NCKAP5: variants seen among roughly 807,000 people sequenced by gnomAD.
NCKAP5 encodes nck-associated protein 5.
A neutral mutation model predicts 167.0 loss-of-function variants in NCKAP5; 92 were observed. The ratio of observed to expected loss-of-function variants is 0.55; its 90% CI spans 0.47 to 0.66. The LOEUF (loss-of-function observed/expected upper bound fraction) is 0.66, where lower values mean the gene tolerates loss of function less well. NCKAP5 is among the 30% of genes least tolerant of loss of function. NCKAP5 has a pLI of 0.00. For missense variants in NCKAP5, 2,378 were observed against 2,315.0 expected (o/e 1.03, Z -0.56); for synonymous variants, 891 against 877.4 (o/e 1.02, Z -0.27).
chr2:133,414,276 A>G (rs541871928), intron 3 of NCKAP5, among the ~76,000 whole-genome samples: 1 of 152,324 alleles, frequency 6.6e-6, no homozygotes, highest in South Asian at 2.1e-4. Context: ...AACTCTCCAT[A>G]TATGTGTGCT....
chr2:132,789,515 A>T (rs1683874793), intron 13 of NCKAP5, among the ~76,000 whole-genome samples: 1 of 152,186 alleles, frequency 6.6e-6, no homozygotes, highest in Admixed American at 6.5e-5. Context: ...CCATGAACTA[A>T]ATTTATACAA....
intron 3 of NCKAP5, among the ~76,000 whole-genome samples, chr2:133,445,205 GCTT>G (rs900336168): frequency 2.0e-5 from 3 of 151,774 alleles, no homozygotes; most frequent in Non-Finnish European, 4.4e-5. Context: ...CAAGAAATGA[GCTT>G]TTTTTTTTGT....
chr2:133,403,887 ATGTGTGTGTG>A (rs138024785), intron 3 of NCKAP5, among the ~76,000 whole-genome samples: 9 of 148,218 alleles, frequency 6.1e-5, no homozygotes, highest in South Asian at 2.2e-4. Flanking sequence ...AGTCAGGTGG[ATGTGTGTGTG>A]TGTGTGTGTG....
At chr2:133,290,957 G>A (rs2150514598) in intron 4 of NCKAP5, among the ~76,000 whole-genome samples, 1 of 152,066 alleles carries the variant, frequency 6.6e-6, no homozygotes, top group African/African-American at 2.4e-5. Flanking sequence ...CTGGGTTCAA[G>A]CAGACTGCCC....
At chr2:133,674,344 A>G in the NCKAP5 span, among the ~76,000 whole-genome samples, 1 of 152,220 alleles carries the variant, frequency 6.6e-6, no homozygotes, top group Non-Finnish European at 1.5e-5. Flanking sequence ...CATGTACATC[A>G]TAACTGTTGG....
rs112858264 is a variant in NCKAP5, at chr2:133,161,506, A to G, written c.208-31395T>C. 1.1e-3 allele frequency among the ~76,000 whole-genome samples: 162 copies of G among 152,284 alleles called. 1 individual carries two copies. Among genetic ancestry groups the G allele is most frequent in the African/African-American group, 3.5e-3 (146 of 41,556 alleles). ...TTAATTTAAGCACTTCAGTGTGTCA[A>G]TCACTTTGGCAAATACAGCCGGGTA... On this transcript the variant is annotated intron_variant, in intron 5 of 19. Transcript: ENST00000409261.
intron 9 of NCKAP5, 24 bp downstream of exon 9, chr2:132,878,824 C>G: frequency 6.3e-7 from 1 of 1,586,686 alleles, no homozygotes; most frequent in African/African-American, 1.3e-5. Flanking sequence ...AGCCTTGGAT[C>G]AGGAGCCTCT....
At chr2:133,297,478 C>T (rs942689542) in intron 4 of NCKAP5, among the ~76,000 whole-genome samples, 3 of 152,102 alleles carry the variant, frequency 2.0e-5, no homozygotes, top group African/African-American at 7.2e-5. Flanking sequence ...GAATATTAGA[C>T]AGGACCCCAA....
chr2:133,178,913 C>T (rs13429878), intron 5 of NCKAP5, among the ~76,000 whole-genome samples: 50,327 of 150,926 alleles, frequency 0.33, 9,195 homozygotes, highest in East Asian at 0.66. Flanking sequence ...TTCCTTTAAT[C>T]CCAACACTTT....
At chr2:133,271,579 A>T (rs1378258418) in intron 4 of NCKAP5, among the ~76,000 whole-genome samples, 1 of 152,230 alleles carries the variant, frequency 6.6e-6, no homozygotes, top group Non-Finnish European at 1.5e-5. Context: ...CATTAGGCAT[A>T]GCGGAATATG....
chr2:133,535,313 C>T (rs925149358), intron 2 of NCKAP5, among the ~76,000 whole-genome samples: 1 of 151,998 alleles, frequency 6.6e-6, no homozygotes, highest in Admixed American at 6.6e-5. Context: ...TTGGAGTTCT[C>T]GGTGTCTATT....
At chr2:133,163,357 C>G (rs1164049675) in intron 5 of NCKAP5, among the ~76,000 whole-genome samples, 1 of 152,210 alleles carries the variant, frequency 6.6e-6, no homozygotes, top group Non-Finnish European at 1.5e-5. Flanking sequence ...GCTCAAATCT[C>G]TGTTGATGTC....
the NCKAP5 span, among the ~76,000 whole-genome samples, chr2:133,655,784 G>A: frequency 1.3e-5 from 2 of 152,200 alleles, no homozygotes; most frequent in African/African-American, 4.8e-5. Context: ...GAATTTCAAA[G>A]ATTTCATTTA....
intron 19 of NCKAP5, among the ~76,000 whole-genome samples, chr2:132,690,393 T>A (rs1686567213): frequency 6.6e-6 from 1 of 152,200 alleles, no homozygotes; most frequent in Admixed American, 6.5e-5. Context: ...GGGAAAATAA[T>A]GGACTTACTT....
chr2:133,652,300 G>A, the NCKAP5 span, among the ~76,000 whole-genome samples: 2 of 152,186 alleles, frequency 1.3e-5, no homozygotes, highest in East Asian at 3.8e-4. Context: ...TAGTCCCAAG[G>A]CAACGGAAGA....
Position 133,421,379 on chromosome 2 carries a change from T to C in NCKAP5, c.69+96079A>G, listed in dbSNP as rs75849910. ...AATAGTGCTTACAAATTAATTCATATGTACAAATTCCTCACCTGAGCATTC... is the reference window on the plus strand; with the variant it reads ...AATAGTGCTTACAAATTAATTCATACGTACAAATTCCTCACCTGAGCATTC... On this transcript the variant is annotated intron_variant, in intron 3 of 19. Transcript: ENST00000409261. Among the ~76,000 whole-genome samples the C allele has an allele frequency of 3.7e-3, 562 of 152,316 alleles. 4 individuals carry two copies. The East Asian group carries it at 0.047, about 13-fold the overall frequency.
intron 6 of NCKAP5, among the ~76,000 whole-genome samples, chr2:133,074,543 G>A (rs999517793): frequency 6.6e-6 from 1 of 151,982 alleles, no homozygotes; most frequent in African/African-American, 2.4e-5. Flanking sequence ...CATATTTTTT[G>A]TAGAGAAGGG....
At chr2:132,982,081 G>A (rs115606341) in intron 7 of NCKAP5, among the ~76,000 whole-genome samples, 1 of 152,176 alleles carries the variant, frequency 6.6e-6, no homozygotes, top group Non-Finnish European at 1.5e-5. Context: ...AGTACAGTAA[G>A]GTGAGGCAGG....
chr2:133,038,458 T>C (rs1208087397), intron 6 of NCKAP5, among the ~76,000 whole-genome samples: 1 of 152,090 alleles, frequency 6.6e-6, no homozygotes, highest in Non-Finnish European at 1.5e-5. Flanking sequence ...AGAAGAATGA[T>C]TATCAGAGGC....
Sources: allele counts gnomAD v4.1 joint callset (sites outside exome capture counted in the v4.1 genomes callset), GRCh38; gene constraint gnomAD v4.1.1; transcripts MANE v1.5; gene names NCBI Gene and HGNC (gene_info 2026-07-23, HGNC 2026-07-21).